Variants in SOX5 observed in about 807,000 individuals in gnomAD.
SOX5 encodes SRY-box transcription factor 5, also known as transcription factor SOX-5.
In SOX5, 9 loss-of-function variants were observed where a neutral mutation model predicts 92.0. The observed-to-expected ratio is 0.10, with a 90% CI of 0.06 to 0.17. The LOEUF (loss-of-function observed/expected upper bound fraction) is 0.17, where lower values mean the gene tolerates loss of function less well. Among genes scored for constraint, SOX5 ranks in the 10% least tolerant of loss-of-function variants. The probability of loss-of-function intolerance (pLI) is 1.00; values close to 1 mark genes in which losing one functional copy is unlikely to be tolerated. For missense variants in SOX5, 642 were observed against 944.5 expected, an observed-to-expected ratio of 0.68 and a Z score of 4.20; for synonymous variants, 344 against 336.3, an observed-to-expected ratio of 1.02 and a Z score of -0.25.
At chr12:23,586,702 G>A (rs868059756) in intron 9 of SOX5, among the ~76,000 whole-genome samples, 1 of 151,118 alleles carries the variant, frequency 6.6e-6, no homozygotes, top group African/African-American at 2.4e-5. Context: ...GGCATGAGTT[G>A]TTGGAAGATT....
chr12:23,780,920 G>A (rs1049055074), intron 3 of SOX5, among the ~76,000 whole-genome samples: 1 of 152,022 alleles, frequency 6.6e-6, no homozygotes. Context: ...GACATGAGGA[G>A]CTGGGCAGAA....
chr12:24,351,662 G>T (rs1187705717), intron 2 of SOX5, among the ~76,000 whole-genome samples: 2 of 152,148 alleles, frequency 1.3e-5, no homozygotes, highest in East Asian at 3.9e-4. Flanking sequence ...AGCCTAAGTT[G>T]CTGAGGTAAG....
At chr12:23,868,163 G>T (rs1382348939) in intron 2 of SOX5, among the ~76,000 whole-genome samples, 1 of 149,650 alleles carries the variant, frequency 6.7e-6, no homozygotes, top group African/African-American at 2.5e-5. Flanking sequence ...AACATCACCT[G>T]CTTTTAATAT....
chr12:23,970,841 A>ATATATATATATATTTTTTT, intron 4 of SOX5, among the ~76,000 whole-genome samples: 3,008 of 21,828 alleles, frequency 0.14, 791 homozygotes, highest in Admixed American at 0.29. Flanking sequence ...TATATATATA[A>ATATATATATATATTTTTTT]TTTTTTTTTT....
At chr12:23,846,723 T>C (rs1282673123) in intron 2 of SOX5, among the ~76,000 whole-genome samples, 3 of 152,200 alleles carry the variant, frequency 2.0e-5, no homozygotes, top group Non-Finnish European at 4.4e-5. Context: ...TTTTAGTTTT[T>C]CCACCTCCCT....
chr12:23,722,865 C>T (rs1299045965), intron 6 of SOX5, among the ~76,000 whole-genome samples: 3 of 152,124 alleles, frequency 2.0e-5, no homozygotes, highest in Non-Finnish European at 4.4e-5. Flanking sequence ...GTGTACAAAG[C>T]GCAATCAGTT....
At chr12:24,394,410 C>A (rs953374769) in intron 1 of SOX5, among the ~76,000 whole-genome samples, 2 of 152,090 alleles carry the variant, frequency 1.3e-5, no homozygotes, top group Non-Finnish European at 2.9e-5. Flanking sequence ...TGCAGGAGCC[C>A]GGCCGCCACT....
chr12:24,095,114 CACACACACACACACAGAG>C (rs1345607554), intron 4 of SOX5, among the ~76,000 whole-genome samples: 5 of 96,610 alleles, frequency 5.2e-5, no homozygotes, highest in Admixed American at 3.8e-4. Flanking sequence ...CACACACACA[CACACACACACACACAGAG>C]AGAGAGAGAG....
intron 2 of SOX5, among the ~76,000 whole-genome samples, chr12:24,304,302 T>C (rs890958579): frequency 6.6e-6 from 1 of 152,152 alleles, no homozygotes; most frequent in Non-Finnish European, 1.5e-5. Context: ...ATCGGATATG[T>C]TGGGTAGAAG....
chr12:23,650,623 G>A (rs1230568839), intron 7 of SOX5, among the ~76,000 whole-genome samples: 9 of 152,064 alleles, frequency 5.9e-5, no homozygotes, highest in Admixed American at 1.3e-4. Context: ...CAAGCTTGGG[G>A]GAGCCCCCTG....
intron 4 of SOX5, among the ~76,000 whole-genome samples, chr12:23,963,359 A>AT (rs1270319380): frequency 6.6e-6 from 1 of 152,200 alleles, no homozygotes; most frequent in Non-Finnish European, 1.5e-5. Context: ...AAAAGAGTAA[A>AT]TTTATCTCAT....
chr12:24,148,674 A>AC (rs1240122870), intron 4 of SOX5, among the ~76,000 whole-genome samples: 3 of 129,500 alleles, frequency 2.3e-5, no homozygotes, highest in African/African-American at 9.1e-5. Context: ...ACATAGTGAG[A>AC]CCCCCATCTC....
At chr12:24,403,297 T>C (rs1282167270) in intron 1 of SOX5, among the ~76,000 whole-genome samples, 1 of 152,214 alleles carries the variant, frequency 6.6e-6, no homozygotes, top group Non-Finnish European at 1.5e-5. Flanking sequence ...ATTGCACTTA[T>C]TCCCTATTAT....
intron 4 of SOX5, among the ~76,000 whole-genome samples, chr12:24,207,642 C>G (rs997924048): frequency 1.2e-4 from 18 of 152,206 alleles, no homozygotes; most frequent in Non-Finnish European, 2.4e-4. Context: ...CCAAATGCTA[C>G]TTCAAGACCA....
At chr12:23,774,605 T>C (rs888058819) in intron 3 of SOX5, among the ~76,000 whole-genome samples, 14 of 152,178 alleles carry the variant, frequency 9.2e-5, no homozygotes, top group Non-Finnish European at 2.9e-5. Flanking sequence ...ATTGTTAATG[T>C]CTTCACTATG....
chr12:24,094,704 T>C (rs1489145423), intron 4 of SOX5, among the ~76,000 whole-genome samples: 1 of 152,162 alleles, frequency 6.6e-6, no homozygotes, highest in Non-Finnish European at 1.5e-5. Flanking sequence ...TAACCAATTG[T>C]CCTACCACCA....
At chr12:24,160,062 C>A (rs926897196) in intron 4 of SOX5, among the ~76,000 whole-genome samples, 6 of 150,950 alleles carry the variant, frequency 4.0e-5, no homozygotes, top group Non-Finnish European at 7.4e-5. Context: ...CTCCCTCGAA[C>A]AATAGAAAAA....
intron 4 of SOX5, among the ~76,000 whole-genome samples, chr12:24,188,606 A>G (rs1041091661): frequency 3.3e-5 from 5 of 152,322 alleles, no homozygotes; most frequent in African/African-American, 1.2e-4. Flanking sequence ...TAAAAAAAAC[A>G]GTAGAAAAAT....
At chr12:24,303,670 C>T (rs1249816144) in intron 2 of SOX5, among the ~76,000 whole-genome samples, 1 of 152,088 alleles carries the variant, frequency 6.6e-6, no homozygotes, top group Non-Finnish European at 1.5e-5. Context: ...GTGTTTCTGG[C>T]AGTGCTCAGT....
Sources: allele counts gnomAD v4.1 joint callset (sites outside exome capture counted in the v4.1 genomes callset), GRCh38; gene constraint gnomAD v4.1.1; transcripts MANE v1.5; gene names NCBI Gene and HGNC (gene_info 2026-07-23, HGNC 2026-07-21).